IQCM: variants seen among roughly 807,000 people sequenced by gnomAD.
IQCM encodes the protein IQ motif containing M.
IQCM carries 45 observed loss-of-function variants against 57.6 expected under a neutral mutation model. The ratio of observed to expected loss-of-function variants is 0.78; its 90% confidence interval spans 0.62 to 1.00. The LOEUF (loss-of-function observed/expected upper bound fraction) is 1.00. Ranked by LOEUF, IQCM falls within the 50% of genes least tolerant of loss-of-function variation. The pLI, the probability that IQCM is intolerant of heterozygous loss-of-function variation, is 0.00. For missense variants in IQCM, 468 were observed against 511.6 expected, an observed-to-expected ratio of 0.91 and a Z score of 0.82; for synonymous variants, 148 against 158.9, an observed-to-expected ratio of 0.93 and a Z score of 0.51.
At chr4:149,774,227 A>G (rs1003648743) in intron 2 of IQCM, among the ~76,000 whole-genome samples, 10 of 152,166 alleles carry the variant, frequency 6.6e-5, no homozygotes, top group African/African-American at 2.4e-4. Flanking sequence ...AACACATAAC[A>G]TAAAATTTAC....
intron 8 of IQCM, among the ~76,000 whole-genome samples, chr4:149,600,009 T>C (rs1269423120): frequency 6.6e-6 from 1 of 152,182 alleles, no homozygotes; most frequent in South Asian, 2.1e-4. Flanking sequence ...TGAACATGAT[T>C]CCCACCTTTG....
intron 12 of IQCM, among the ~76,000 whole-genome samples, chr4:149,520,206 T>C (rs1035574807): frequency 1.0e-4 from 15 of 149,218 alleles, no homozygotes; most frequent in Non-Finnish European, 1.6e-4. Context: ...AAACCGTATA[T>C]AAGGTGGGCA....
At chr4:149,582,170 C>CT (rs1752246486) in intron 9 of IQCM, among the ~76,000 whole-genome samples, 1 of 150,130 alleles carries the variant, frequency 6.7e-6, no homozygotes, top group African/African-American at 2.5e-5. Context: ...ACAATGCATC[C>CT]TGAAGACATT....
At chr4:149,355,417 C>A (rs988264008) in intron 13 of IQCM, among the ~76,000 whole-genome samples, 1 of 136,808 alleles carries the variant, frequency 7.3e-6, no homozygotes, top group Non-Finnish European at 1.5e-5. Context: ...CAACAGGCCC[C>A]AGCGTGTGAT....
intron 12 of IQCM, among the ~76,000 whole-genome samples, chr4:149,481,076 A>AT (rs1368245673): frequency 1.3e-5 from 2 of 151,868 alleles, no homozygotes; most frequent in Non-Finnish European, 2.9e-5. Flanking sequence ...TGGCTATTCA[A>AT]TTTTTTTGCC....
At chr4:149,685,568 C>T (rs568765219) in intron 6 of IQCM, among the ~76,000 whole-genome samples, 3 of 151,614 alleles carry the variant, frequency 2.0e-5, no homozygotes, top group East Asian at 3.9e-4. Context: ...TAGCTCACAA[C>T]TTAAACGTTG....
intron 13 of IQCM, among the ~76,000 whole-genome samples, chr4:149,416,810 G>C (rs1733781336): frequency 6.6e-6 from 1 of 152,100 alleles, no homozygotes; most frequent in African/African-American, 2.4e-5. Flanking sequence ...AAGATTATTA[G>C]ACTTTAAATA....
intron 7 of IQCM, among the ~76,000 whole-genome samples, chr4:149,630,710 T>G (rs997414594): frequency 1.3e-5 from 2 of 152,306 alleles, no homozygotes; most frequent in South Asian, 4.1e-4. Context: ...AGGAAAGTAA[T>G]TGTCAGTAAT....
chr4:149,572,259 T>A (rs1751229453), intron 9 of IQCM, among the ~76,000 whole-genome samples: 1 of 151,942 alleles, frequency 6.6e-6, no homozygotes, highest in South Asian at 2.1e-4. Flanking sequence ...TTGCTGATCC[T>A]TTTATTTTCC....
At chr4:149,531,789 A>T (rs1334114310) in intron 12 of IQCM, among the ~76,000 whole-genome samples, 1 of 152,094 alleles carries the variant, frequency 6.6e-6, no homozygotes, top group Non-Finnish European at 1.5e-5. Flanking sequence ...ATTCTGTTTT[A>T]CTTTTATTTT....
At chr4:149,543,767 T>C (rs915520151) in intron 12 of IQCM, among the ~76,000 whole-genome samples, 3 of 152,068 alleles carry the variant, frequency 2.0e-5, no homozygotes, top group African/African-American at 4.8e-5. Context: ...AAAAAAACAA[T>C]TGCTATTTCT....
intron 13 of IQCM, among the ~76,000 whole-genome samples, chr4:149,396,647 G>A (rs541006148): frequency 6.6e-5 from 10 of 152,124 alleles, no homozygotes; most frequent in African/African-American, 1.9e-4. Context: ...TATAGGTACA[G>A]TGGATCTCTA....
chr4:149,366,563 A>G (rs1164438616), intron 13 of IQCM, among the ~76,000 whole-genome samples: 3 of 151,866 alleles, frequency 2.0e-5, no homozygotes, highest in Non-Finnish European at 4.4e-5. Context: ...AAATTCTATA[A>G]TCTTTTTACT....
At chr4:149,762,381 T>C (rs1482922966) in intron 2 of IQCM, among the ~76,000 whole-genome samples, 1 of 152,022 alleles carries the variant, frequency 6.6e-6, no homozygotes, top group Admixed American at 6.6e-5. Flanking sequence ...TAAGAAAAAC[T>C]GCATGGTGAA....
chr4:149,500,938 C>T (rs1307827759), intron 12 of IQCM, among the ~76,000 whole-genome samples: 1 of 152,146 alleles, frequency 6.6e-6, no homozygotes, highest in Non-Finnish European at 1.5e-5. Context: ...TTATGCTATT[C>T]TATGCCATGA....
chr4:149,428,148 C>T (rs1392293022), intron 13 of IQCM, among the ~76,000 whole-genome samples: 1 of 151,616 alleles, frequency 6.6e-6, no homozygotes, highest in Non-Finnish European at 1.5e-5. Flanking sequence ...CAAAATTAAG[C>T]TTAGTTTTTT....
intron 8 of IQCM, among the ~76,000 whole-genome samples, chr4:149,613,503 A>G (rs1257063776): frequency 6.6e-6 from 1 of 152,132 alleles, no homozygotes; most frequent in East Asian, 1.9e-4. Flanking sequence ...AATCTTGTCA[A>G]TCCATTCTAT....
chr4:149,455,513 T>C (rs1277828396), intron 12 of IQCM, among the ~76,000 whole-genome samples: 1 of 152,086 alleles, frequency 6.6e-6, no homozygotes, highest in Non-Finnish European at 1.5e-5. Context: ...TGAAGACATG[T>C]CCCTTTTACA....
chr4:149,368,807 T>TATATATACATATATATAC lies in IQCM; in HGVS notation c.1391-16742_1391-16741insGTATATATATGTATATAT, dbSNP rs1560778919. ...ATGTATATATATACATATATATACA[T>TATATATACATATATATAC]GTATATATATACATATATATACATG... On this transcript the variant is annotated intron_variant, in intron 13 of 13. Transcript: ENST00000636793. 2.9e-5 allele frequency among the ~76,000 whole-genome samples: 2 copies of TATATATACATATATATAC among 68,582 alleles called. 1 individual carries two copies. 45.0% of individuals were successfully genotyped at this position (68,582 alleles called of 152,430 possible).
Sources: allele counts gnomAD v4.1 joint callset (sites outside exome capture counted in the v4.1 genomes callset), GRCh38; gene constraint gnomAD v4.1.1; transcripts MANE v1.5; gene names NCBI Gene and HGNC (gene_info 2026-07-23, HGNC 2026-07-21).